The following BEAN1 variants were observed in gnomAD, a reference collection of about 807,000 sequenced individuals.
BEAN1 encodes protein BEAN1.
Under a neutral mutation model 17.7 loss-of-function variants are expected in BEAN1, and 17 were observed. That is an observed-to-expected ratio of 0.96 (90% confidence interval 0.66 to 1.44). The LOEUF is 1.44. Among genes scored for constraint, BEAN1 ranks in the 40% most tolerant of loss-of-function variants. The pLI is 0.00. For missense variants in BEAN1, 359 were observed against 374.1 expected (o/e 0.96, Z 0.33); for synonymous variants, 142 against 151.8 (o/e 0.94, Z 0.47).
downstream of BEAN1, among the ~76,000 whole-genome samples, chr16:66,494,428 G>A (rs1964219181): frequency 6.6e-6 from 1 of 152,140 alleles, no homozygotes; most frequent in Admixed American, 6.5e-5. Context: ...AGGAGGCTGG[G>A]AAGAGTTAGT....
At chr16:66,484,978 A>G (rs918182361), downstream of BEAN1, 7 of 454,010 alleles carry the variant, frequency 1.5e-5, no homozygotes, top group African/African-American at 4.0e-5. This position sits in a 1 kb window ranked among gnomAD's most constrained non-coding sequence, Gnocchi z 4.2. Flanking sequence ...CGCCATCGTG[A>G]TAGTCCACAA....
chr16:66,475,755 A>T (rs1963710940), intron 3 of BEAN1: 1 of 152,246 alleles, frequency 6.6e-6, no homozygotes, highest in Non-Finnish European at 1.5e-5. Context: ...CCTAGTAGAA[A>T]AGTAATGTGT....
chr16:66,481,042 C>A lies in BEAN1; in HGVS notation c.*117C>A. 1.2e-6 allele frequency: 1 copy of A among 819,680 alleles called. No individual in the cohort carries two copies. Among genetic ancestry groups the A allele is most frequent in the Non-Finnish European group, 1.8e-6 (1 of 568,788 alleles). The allele number at this position is 819,680 out of a possible 1,614,324, so 50.8% of individuals were successfully genotyped here. ...ACGTGACTCATAACACACACATAGA[C>A]CAAACTTGTATACACACAGACATCT... On this transcript the variant is annotated 3_prime_UTR_variant, in exon 5 of 5. Transcript: ENST00000536005. This position sits in a 1 kb window ranked among gnomAD's most constrained non-coding sequence, Gnocchi z 4.1.
chr16:66,481,311 C>G lies in BEAN1; in HGVS notation c.*386C>G, dbSNP rs1963979536. 1 of 399,290 alleles carries G rather than the reference C, an allele frequency of 2.5e-6. No individual in the cohort carries two copies. The highest frequency in any genetic ancestry group is 4.4e-6 in the Non-Finnish European group (1 of 226,664). 24.7% of individuals were successfully genotyped at this position (399,290 alleles called of 1,614,324 possible). On this transcript the variant is annotated 3_prime_UTR_variant, in exon 5 of 5. Coordinates refer to ENST00000536005, the MANE Select transcript of BEAN1 (RefSeq NM_001178020.3). The surrounding 1 kb of genome is among the most constrained non-coding windows in gnomAD (Gnocchi z 4.1). ...TTCCCTCTCCTGGGCCCGTTTGCCC[C>G]TACCCTCGCCCAGCAAGCTGCGCCC... is the stretch of plus-strand genomic sequence containing the variant.
chr16:66,445,573 A>AAG (rs1315158845), intron 2 of BEAN1, among the ~76,000 whole-genome samples: 7 of 150,246 alleles, frequency 4.7e-5, no homozygotes, highest in Non-Finnish European at 8.8e-5. Context: ...ACTGGAACAG[A>AAG]AGTTGCTAGA....
intron 2 of BEAN1, 52 bp downstream of exon 2, chr16:66,437,753 G>GCT: frequency 6.6e-7 from 1 of 1,506,224 alleles, no homozygotes; most frequent in Non-Finnish European, 8.9e-7. Context: ...CAAGGGCAGA[G>GCT]CTTGGAGTCG....
rs994514417 is a variant in BEAN1 at position 66,471,960 on chromosome 16, G to T, written c.289+2095G>T. Among the ~76,000 whole-genome samples the T allele has an allele frequency of 3.3e-5, 5 of 152,156 alleles. No individual in the cohort carries two copies. Among genetic ancestry groups the T allele is most frequent in the Admixed American group, 1.3e-4 (2 of 15,278 alleles). ...GGAGGATGCCGGGTAGACCCAGGAT[G>T]GTCAGTCTGCCGCCTGCCCCTCGCA... On this transcript the variant is annotated intron_variant, in intron 3 of 4. Transcript: ENST00000536005. The surrounding 1 kb of genome is among the most constrained non-coding windows in gnomAD (Gnocchi z 4.7).
chr16:66,484,530 G>T (rs762827056), downstream of BEAN1: 2 of 450,894 alleles, frequency 4.4e-6, no homozygotes, highest in African/African-American at 2.0e-5. This position sits in a 1 kb window ranked among gnomAD's most constrained non-coding sequence, Gnocchi z 4.2. Flanking sequence ...GAACACCCCA[G>T]GTACCTGGGC....
intron 1 of BEAN1, among the ~76,000 whole-genome samples, chr16:66,433,844 G>A (rs954045482): frequency 6.6e-6 from 1 of 152,152 alleles, no homozygotes; most frequent in Non-Finnish European, 1.5e-5. Flanking sequence ...GGCCGCTCCT[G>A]GGGCCTTCCA....
Position 66,480,878 on chromosome 16 carries a change from C to T in BEAN1, c.733C>T (p.Pro245Ser). The T allele has an allele frequency of 8.2e-6, 12 of 1,471,982 alleles. No homozygotes were observed. Among genetic ancestry groups the T allele is most frequent in the Non-Finnish European group, 9.9e-6 (11 of 1,106,940 alleles). 91.2% of individuals were successfully genotyped at this position (1,471,982 alleles called of 1,614,324 possible). ...AGGGCCAAGGGGCTCCCAGGGCTCA[C>T]CCACCCCAACCCGGGCCCCAGCCTC... ...DPGPRGSQGS[P>S]TPTRAPASGP... The change falls in exon 5 of 5, where the codon CCC becomes TCC. Residue 245 changes from proline to serine, a missense_variant. Physicochemically the swap from Pro to Ser is moderately conservative, Grantham distance 74 (BLOSUM62 -1). Transcript: ENST00000536005.
intron 3 of BEAN1, among the ~76,000 whole-genome samples, chr16:66,474,279 A>G (rs1466246244): frequency 6.6e-6 from 1 of 151,932 alleles, no homozygotes; most frequent in Non-Finnish European, 1.5e-5. Context: ...TATTTTCATC[A>G]TCTCTTTCTC....
At chr16:66,429,152 C>G (rs888456294) in intron 1 of BEAN1, among the ~76,000 whole-genome samples, 1 of 152,120 alleles carries the variant, frequency 6.6e-6, no homozygotes, top group East Asian at 1.9e-4. Flanking sequence ...TTGGACACAC[C>G]GATGGTGACG....
chr16:66,456,317 T>C (rs906844569), intron 2 of BEAN1, among the ~76,000 whole-genome samples: 1 of 152,240 alleles, frequency 6.6e-6, no homozygotes, highest in African/African-American at 2.4e-5. Context: ...TCAAAGGTCA[T>C]TTTTCTGAGC....
At chr16:66,431,912 T>C (rs1003392218) in intron 1 of BEAN1, among the ~76,000 whole-genome samples, 8 of 152,048 alleles carry the variant, frequency 5.3e-5, no homozygotes, top group Admixed American at 4.6e-4. Flanking sequence ...GTTTAAGCGA[T>C]TCTCCTGCCT....
intron 4 of BEAN1, among the ~76,000 whole-genome samples, chr16:66,491,540 A>G (rs1318762181): frequency 6.6e-6 from 1 of 152,180 alleles, no homozygotes; most frequent in African/African-American, 2.4e-5. Context: ...TCCATGGTCA[A>G]CAGCTAGCAA....
chr16:66,473,556 G>A lies in BEAN1; in HGVS notation c.289+3691G>A, dbSNP rs115200418. ...GAGAACATGAAAGCGGCACCACCAG[G>A]CGCGGTGCCTCACACCTATAATCCC... is the stretch of plus-strand genomic sequence containing the variant. On this transcript the variant is annotated intron_variant, in intron 3 of 4. Coordinates refer to ENST00000536005, the MANE Select transcript of BEAN1 (RefSeq NM_001178020.3). This position sits in a 1 kb window ranked among gnomAD's most constrained non-coding sequence, Gnocchi z 4.5. Among the ~76,000 whole-genome samples the A allele has an allele frequency of 8.9e-3, 1,358 of 152,156 alleles. 19 individuals are homozygous for A. Among genetic ancestry groups the A allele is most frequent in the African/African-American group, 0.031 (1,297 of 41,482 alleles).
At chr16:66,485,267 G>A (rs1964072711), downstream of BEAN1, 2 of 372,162 alleles carry the variant, frequency 5.4e-6, no homozygotes, top group Admixed American at 3.3e-5. Flanking sequence ...ACCTCCTGTG[G>A]TTTCGTGGAC....
chr16:66,456,869 G>A (rs1567494323), intron 2 of BEAN1, among the ~76,000 whole-genome samples: 1 of 152,234 alleles, frequency 6.6e-6, no homozygotes, highest in Non-Finnish European at 1.5e-5. Flanking sequence ...AACTTAAGTG[G>A]CAGAATGTAT....
At chr16:66,475,217 G>T (rs1310171822) in intron 3 of BEAN1, among the ~76,000 whole-genome samples, 3 of 152,250 alleles carry the variant, frequency 2.0e-5, no homozygotes, top group Middle Eastern at 6.8e-3. Context: ...GGGAGTGGCG[G>T]GTGCAGGTTT....
Sources: gnomAD v4.1 joint callset for allele counts (sites outside exome capture counted in the v4.1 genomes callset) on GRCh38, gnomAD v4.1.1 for gene constraint, Gnocchi (gnomAD v3.1) non-coding constraint, MANE v1.5 for transcripts, NCBI Gene and HGNC (gene_info 2026-07-23, HGNC 2026-07-21) for gene names.